Variants in MAP3K5 observed in about 807,000 individuals in gnomAD.
MAP3K5 encodes the protein mitogen-activated protein kinase kinase kinase 5.
MAP3K5 carries 56 observed loss-of-function variants against 158.7 expected under a neutral mutation model. The observed-to-expected ratio is 0.35, with a 90% CI of 0.28 to 0.44. The LOEUF is 0.44. Ranked by LOEUF, MAP3K5 falls within the 20% of genes least tolerant of loss-of-function variation. MAP3K5 has a pLI of 1.00. For synonymous variants in MAP3K5, 579 were observed against 601.7 expected, an observed-to-expected ratio of 0.96 and a Z score of 0.55; for missense variants, 1,294 against 1,674.8, an observed-to-expected ratio of 0.77 and a Z score of 3.97.
chr6:136,584,689 CAGGG>C (rs1775037140), intron 23 of MAP3K5, among the ~76,000 whole-genome samples: 1 of 152,118 alleles, frequency 6.6e-6, no homozygotes, highest in African/African-American at 2.4e-5. Context: ...CAAACCATAT[CAGGG>C]AGGGAGAGGA....
rs147193361 is a variant in MAP3K5, at chr6:136,705,931, G to A, written c.589-798C>T. 1.6e-3 allele frequency among the ~76,000 whole-genome samples: 237 copies of A among 152,270 alleles called. 2 individuals carry two copies. Among genetic ancestry groups the A allele is most frequent in the Non-Finnish European group, 1.5e-3 (102 of 68,026 alleles). ...TAATCAAGACATCTGACAAAAAATAGTCATAATTTGTGTGTTTTTCATTGA... is the reference window on the plus strand; with the variant it reads ...TAATCAAGACATCTGACAAAAAATAATCATAATTTGTGTGTTTTTCATTGA... On this transcript the variant is annotated intron_variant, in intron 2 of 29. Transcript: ENST00000359015.
At chr6:136,719,172 T>A (rs1198827392) in intron 2 of MAP3K5, among the ~76,000 whole-genome samples, 1 of 152,078 alleles carries the variant, frequency 6.6e-6, no homozygotes, top group Non-Finnish European at 1.5e-5. Flanking sequence ...CGAGATCCTG[T>A]CTAAATAAAT....
At chr6:136,569,694 G>A (rs1429843812) in intron 25 of MAP3K5, among the ~76,000 whole-genome samples, 1 of 151,994 alleles carries the variant, frequency 6.6e-6, no homozygotes, top group African/African-American at 2.4e-5. Flanking sequence ...AACTGCCCTG[G>A]GTACATGTTT....
intron 1 of MAP3K5, among the ~76,000 whole-genome samples, chr6:136,747,328 TACA>T (rs1183824415): frequency 5.3e-5 from 8 of 152,230 alleles, no homozygotes; most frequent in South Asian, 2.1e-4. Context: ...TTATCCAGGT[TACA>T]ACATCTCTGG....
chr6:136,763,458 C>A (rs1276106965), intron 1 of MAP3K5, among the ~76,000 whole-genome samples: 1 of 152,088 alleles, frequency 6.6e-6, no homozygotes, highest in East Asian at 1.9e-4. Context: ...GACTGGTTAG[C>A]AAAAAGTCTC....
intron 19 of MAP3K5, among the ~76,000 whole-genome samples, chr6:136,603,098 C>T (rs1430063625): frequency 6.6e-6 from 1 of 151,740 alleles, no homozygotes; most frequent in Non-Finnish European, 1.5e-5. Context: ...ATAGCCGATA[C>T]CATGTGTCAG....
intron 14 of MAP3K5, among the ~76,000 whole-genome samples, chr6:136,631,537 G>C (rs1583304746): frequency 6.7e-6 from 1 of 150,110 alleles, no homozygotes; most frequent in South Asian, 2.1e-4. Flanking sequence ...TTTTTAGACA[G>C]GGTCTGGCTC....
At chr6:136,715,300 A>T (rs1781472320) in intron 2 of MAP3K5, among the ~76,000 whole-genome samples, 1 of 152,260 alleles carries the variant, frequency 6.6e-6, no homozygotes, top group Non-Finnish European at 1.5e-5. Flanking sequence ...TCCAAAATGC[A>T]TATACGTTAT....
chr6:136,681,135 T>G (rs1034498874), intron 7 of MAP3K5, among the ~76,000 whole-genome samples: 2 of 152,234 alleles, frequency 1.3e-5, no homozygotes, highest in African/African-American at 4.8e-5. Context: ...TCAGCCAGAT[T>G]TGCAAACAAT....
chr6:136,663,216 G>A (rs1392844028), intron 8 of MAP3K5, among the ~76,000 whole-genome samples: 3 of 152,148 alleles, frequency 2.0e-5, no homozygotes, highest in Non-Finnish European at 4.4e-5. Context: ...TATAAGTGGT[G>A]GAGGTTAGAT....
intron 26 of MAP3K5, among the ~76,000 whole-genome samples, chr6:136,567,124 C>T (rs1774146667): frequency 6.6e-6 from 1 of 152,162 alleles, no homozygotes; most frequent in South Asian, 2.1e-4. Context: ...AATTATACTC[C>T]AGATATGTTA....
intron 7 of MAP3K5, among the ~76,000 whole-genome samples, chr6:136,687,655 A>G (rs1471898559): frequency 6.6e-6 from 1 of 152,256 alleles, no homozygotes; most frequent in Non-Finnish European, 1.5e-5. Flanking sequence ...TATGCGGCCA[A>G]CAAACATATG....
chr6:136,579,356 CA>C (rs988483635), intron 25 of MAP3K5, among the ~76,000 whole-genome samples: 3 of 152,058 alleles, frequency 2.0e-5, no homozygotes, highest in African/African-American at 7.2e-5. Context: ...TCACTTATGC[CA>C]AAAAGCCTTG....
chr6:136,623,039 A>G, intron 14 of MAP3K5, 58 bp from the exon 15 acceptor site: 1 of 1,564,472 alleles, frequency 6.4e-7, no homozygotes. Flanking sequence ...TACATTTCAA[A>G]CATCAAATTT....
In MAP3K5 at chr6:136,641,666, T is replaced by C. The variant is rs549773550; in HGVS notation, c.1838+854A>G. Among the ~76,000 whole-genome samples the C allele has an allele frequency of 2.1e-3, 304 of 147,950 alleles. 2 individuals are homozygous for C. Among genetic ancestry groups the C allele is most frequent in the South Asian group, 2.2e-3 (10 of 4,624 alleles). On this transcript the variant is annotated intron_variant, in intron 12 of 29. Coordinates refer to ENST00000359015, the MANE Select transcript of MAP3K5 (RefSeq NM_005923.4). The stretch of plus-strand genomic sequence containing the variant: ...TACAGAAGGTTTTTTTTTTTTTTAA[T>C]GGACTCCTTATCATCTGAAGTCATT...
intron 25 of MAP3K5, among the ~76,000 whole-genome samples, chr6:136,569,756 A>G (rs1583197169): frequency 6.6e-6 from 1 of 152,340 alleles, no homozygotes; most frequent in East Asian, 1.9e-4. Context: ...TATTTGGCTC[A>G]GAATAAACTT....
chr6:136,726,117 T>C (rs1044583700), intron 1 of MAP3K5, among the ~76,000 whole-genome samples: 1 of 152,224 alleles, frequency 6.6e-6, no homozygotes, highest in Non-Finnish European at 1.5e-5. Flanking sequence ...TTCAACTCTA[T>C]TCTGTTTTCA....
intron 1 of MAP3K5, among the ~76,000 whole-genome samples, chr6:136,782,292 A>T (rs1051058985): frequency 6.6e-6 from 1 of 151,818 alleles, no homozygotes; most frequent in Non-Finnish European, 1.5e-5. Context: ...AATAAAAAAA[A>T]AAAAAAAAGA....
At chr6:136,649,292 C>T (rs1252469946) in intron 11 of MAP3K5, among the ~76,000 whole-genome samples, 2 of 152,144 alleles carry the variant, frequency 1.3e-5, no homozygotes, top group African/African-American at 2.4e-5. Flanking sequence ...TTAATTAAAC[C>T]AGCTCCCTGG....
Sources: allele counts gnomAD v4.1 joint callset (sites outside exome capture counted in the v4.1 genomes callset), GRCh38; gene constraint gnomAD v4.1.1; transcripts MANE v1.5; gene names NCBI Gene and HGNC (gene_info 2026-07-23, HGNC 2026-07-21).